THEMIS: variants seen among roughly 807,000 people sequenced by gnomAD.
THEMIS encodes thymocyte selection associated, also known as protein THEMIS.
A neutral mutation model predicts 52.6 loss-of-function variants in THEMIS; 37 were observed. The observed-to-expected ratio is 0.70, with a 90% CI of 0.54 to 0.93. The LOEUF is 0.93. Ranked by LOEUF, THEMIS falls within the 40% of genes least tolerant of loss-of-function variation. The pLI, the probability that THEMIS is intolerant of heterozygous loss-of-function variation, is 0.00. For missense variants in THEMIS, 808 were observed against 763.1 expected, an observed-to-expected ratio of 1.06 and a Z score of -0.69; for synonymous variants, 292 against 272.7, an observed-to-expected ratio of 1.07 and a Z score of -0.70.
intron 4 of THEMIS, among the ~76,000 whole-genome samples, chr6:127,742,264 G>A (rs1775227478): frequency 1.3e-5 from 2 of 148,600 alleles, no homozygotes; most frequent in African/African-American, 2.5e-5. Context: ...GCAGTGAGCG[G>A]AGATCATGCC....
intron 1 of THEMIS, among the ~76,000 whole-genome samples, chr6:127,914,070 G>A (rs1190847061): frequency 6.6e-6 from 1 of 152,120 alleles, no homozygotes; most frequent in Non-Finnish European, 1.5e-5. Context: ...GTTTATTTAT[G>A]TTTTGTAGAC....
chr6:127,846,370 A>C (rs1262378611), intron 2 of THEMIS, among the ~76,000 whole-genome samples: 4 of 152,118 alleles, frequency 2.6e-5, no homozygotes, highest in Admixed American at 1.3e-4. Context: ...CAAGCAATCA[A>C]TAGAAGCTGT....
chr6:127,805,896 A>T (rs762668621), intron 4 of THEMIS, among the ~76,000 whole-genome samples: 1 of 152,138 alleles, frequency 6.6e-6, no homozygotes, highest in Non-Finnish European at 1.5e-5. Context: ...ATTCAGACAA[A>T]TCTGTTTCAA....
At chr6:127,747,899 C>T (rs9688590) in intron 4 of THEMIS, among the ~76,000 whole-genome samples, 1 of 152,080 alleles carries the variant, frequency 6.6e-6, no homozygotes, top group Admixed American at 6.6e-5. Flanking sequence ...TTACAACACA[C>T]ACATACACTT....
chr6:127,796,518 G>C (rs1339185770), intron 4 of THEMIS, among the ~76,000 whole-genome samples: 2 of 152,122 alleles, frequency 1.3e-5, no homozygotes, highest in African/African-American at 4.8e-5. Context: ...AGAGTGATGA[G>C]CAAGAAAGCA....
chr6:127,787,870 GATAGATAGAT>G lies in THEMIS; in HGVS notation c.1758+25003_1758+25012del, dbSNP rs1160768220. ...ACAGATATAGATAGATAGATAGATA[GATAGATAGAT>G]ATAGATAGATAGATAGATAGATAGA... is the stretch of plus-strand genomic sequence containing the variant. On this transcript the variant is annotated intron_variant, in intron 4 of 5. Transcript: ENST00000368248. 5.9e-3 allele frequency among the ~76,000 whole-genome samples: 562 copies of G among 95,358 alleles called. 2 individuals carry two copies. The highest frequency in any genetic ancestry group is 8.7e-3 in the Non-Finnish European group (384 of 44,008). The allele number at this position is 95,358 out of a possible 152,430, so 62.6% of individuals were successfully genotyped here. A position where few individuals can be genotyped will look rare whatever the true frequency, so the allele number is the denominator to read the frequency against.
chr6:127,719,588 A>T, intron 5 of THEMIS, 100 bp downstream of exon 5: 1 of 1,137,588 alleles, frequency 8.8e-7, no homozygotes, highest in Non-Finnish European at 1.2e-6. Context: ...GCTGAGTCAT[A>T]TATTCCAAAT....
intron 3 of THEMIS, among the ~76,000 whole-genome samples, chr6:127,820,408 T>C (rs967726607): frequency 1.3e-5 from 2 of 151,980 alleles, no homozygotes; most frequent in Non-Finnish European, 2.9e-5. Context: ...AAATTGAGAA[T>C]AGTCAGTAAT....
At chr6:127,882,949 C>T (rs1029502396) in intron 1 of THEMIS, among the ~76,000 whole-genome samples, 1 of 151,870 alleles carries the variant, frequency 6.6e-6, no homozygotes, top group African/African-American at 2.4e-5. Flanking sequence ...CTCTCAGATG[C>T]ATCAGATCCA....
chr6:127,785,565 T>C (rs1296483121), intron 4 of THEMIS, among the ~76,000 whole-genome samples: 1 of 151,936 alleles, frequency 6.6e-6, no homozygotes, highest in Non-Finnish European at 1.5e-5. Context: ...TTAGATCTTA[T>C]TTGGTTTAAT....
At chr6:127,895,603 T>G (rs547900748) in intron 1 of THEMIS, among the ~76,000 whole-genome samples, 2 of 151,500 alleles carry the variant, frequency 1.3e-5, no homozygotes, top group African/African-American at 4.8e-5. Flanking sequence ...AAGAACTCTA[T>G]AGAGACACTT....
At chr6:127,855,250 C>G (rs1779580799) in intron 1 of THEMIS, 62 bp from the exon 2 acceptor site, 1 of 1,361,014 alleles carries the variant, frequency 7.3e-7, no homozygotes, top group South Asian at 1.5e-5. Context: ...ACAAAGTAGA[C>G]TCAAAAGCTT....
intron 4 of THEMIS, among the ~76,000 whole-genome samples, chr6:127,748,884 G>T (rs1245921165): frequency 6.6e-6 from 1 of 151,912 alleles, no homozygotes; most frequent in Non-Finnish European, 1.5e-5. Context: ...ATTTAATAGT[G>T]AAAGCAGCCC....
chr6:127,777,880 T>C (rs1044358474), intron 4 of THEMIS, among the ~76,000 whole-genome samples: 1 of 152,180 alleles, frequency 6.6e-6, no homozygotes, highest in African/African-American at 2.4e-5. Context: ...CAGAGTTCTA[T>C]AATTGTTTCC....
intron 4 of THEMIS, among the ~76,000 whole-genome samples, chr6:127,745,849 T>C (rs1449512424): frequency 6.6e-6 from 1 of 151,880 alleles, no homozygotes; most frequent in African/African-American, 2.4e-5. Flanking sequence ...TTGGTTTCTA[T>C]TAAGGTGAGA....
intron 3 of THEMIS, among the ~76,000 whole-genome samples, chr6:127,816,860 A>T (rs771453145): frequency 6.6e-6 from 1 of 151,846 alleles, no homozygotes. Context: ...TGTCTCCCGG[A>T]CCTCCTCATT....
chr6:127,753,295 A>G (rs1029760020), intron 4 of THEMIS, among the ~76,000 whole-genome samples: 1 of 152,086 alleles, frequency 6.6e-6, no homozygotes, highest in Non-Finnish European at 1.5e-5. Flanking sequence ...TAGAACTAGT[A>G]AATAAATTCA....
intron 5 of THEMIS, among the ~76,000 whole-genome samples, chr6:127,717,409 T>C (rs12199444): frequency 0.026 from 3,989 of 152,002 alleles, 61 homozygotes; most frequent in Middle Eastern, 0.078. Flanking sequence ...TTTTTTTAAG[T>C]AATTTATGGA....
At chr6:127,808,824 A>C (rs143334147) in intron 4 of THEMIS, among the ~76,000 whole-genome samples, 2 of 152,270 alleles carry the variant, frequency 1.3e-5, no homozygotes, top group East Asian at 3.9e-4. Flanking sequence ...ACCTTGGAAA[A>C]CAATTCTTTC....
Sources: allele counts gnomAD v4.1 joint callset (sites outside exome capture counted in the v4.1 genomes callset), GRCh38; gene constraint gnomAD v4.1.1; transcripts MANE v1.5; gene names NCBI Gene and HGNC (gene_info 2026-07-23, HGNC 2026-07-21).